ACSBG2: variants seen among roughly 807,000 people sequenced by gnomAD.
ACSBG2 encodes the protein acyl-CoA synthetase bubblegum family member 2, also known as long-chain-fatty-acid--CoA ligase ACSBG2.
In ACSBG2, 62 loss-of-function variants were observed where a neutral mutation model predicts 74.7. The ratio of observed to expected loss-of-function variants is 0.83; its 90% CI spans 0.68 to 1.03. ACSBG2 has a LOEUF of 1.03. Ranked by LOEUF, ACSBG2 falls within the 50% of genes least tolerant of loss-of-function variation. The pLI is 0.00. For missense variants in ACSBG2, 730 were observed against 817.6 expected, an observed-to-expected ratio of 0.89 and a Z score of 1.31; for synonymous variants, 309 against 294.1, an observed-to-expected ratio of 1.05 and a Z score of -0.52.
At chr19:6,151,919 A>G in intron 4 of ACSBG2, 124 bp downstream of exon 4, 1 of 796,232 alleles carries the variant, frequency 1.3e-6, no homozygotes, top group Non-Finnish European at 2.1e-6. Context: ...GTTAGCAGGC[A>G]GGATAGATGC....
intron 6 of ACSBG2, among the ~76,000 whole-genome samples, chr19:6,163,702 C>T (rs1228216692): frequency 3.3e-5 from 5 of 149,688 alleles, no homozygotes; most frequent in South Asian, 2.1e-4. Context: ...GAGCAGTGAG[C>T]GGAGATCACG....
At chr19:6,169,538 T>C (rs1048250664) in intron 7 of ACSBG2, among the ~76,000 whole-genome samples, 1 of 152,204 alleles carries the variant, frequency 6.6e-6, no homozygotes, top group East Asian at 1.9e-4. Context: ...TCTAGCTGTG[T>C]TCTTTTTGCT....
Position 6,147,442 on chromosome 19 carries a change from G to C in ACSBG2, c.68-4G>C, listed in dbSNP as rs16993408. 0.015 allele frequency: 23,948 copies of C among 1,612,342 alleles called. 474 individuals are homozygous for C. The highest frequency in any genetic ancestry group is 0.099 in the African/African-American group (7,387 of 74,942). ...TGCCACCCAACTCTGGTGACTATTT[G>C]CAGTTACTCCCAGGCTGTGGACCAC... On this transcript the variant is annotated splice_polypyrimidine_tract_variant and splice_region_variant and intron_variant, in intron 2 of 14. Coordinates refer to ENST00000588485, the MANE Select transcript of ACSBG2 (RefSeq NM_030924.5).
At chr19:6,182,265 C>T (rs1287666698) in intron 8 of ACSBG2, among the ~76,000 whole-genome samples, 1 of 150,668 alleles carries the variant, frequency 6.6e-6, no homozygotes, top group East Asian at 1.9e-4. Context: ...ACCTATAGGT[C>T]TCTTTGGGGG....
At chr19:6,147,725 GGT>G (rs2089087831) in intron 3 of ACSBG2, 50 bp downstream of exon 3, 3 of 1,569,328 alleles carry the variant, frequency 1.9e-6, no homozygotes, top group Non-Finnish European at 2.6e-6. Context: ...ATTCTGAATA[GGT>G]AACAGACATA....
At chr19:6,189,541 T>C (rs996800773) in intron 13 of ACSBG2, among the ~76,000 whole-genome samples, 4 of 152,072 alleles carry the variant, frequency 2.6e-5, no homozygotes, top group Non-Finnish European at 5.9e-5. Flanking sequence ...TTTTTTTGTT[T>C]GTTTTGAGAC....
intron 11 of ACSBG2, among the ~76,000 whole-genome samples, chr19:6,186,058 CT>C (rs11377799): frequency 0.046 from 6,779 of 146,974 alleles, 399 homozygotes; most frequent in African/African-American, 0.14. Context: ...AACAGTTTTA[CT>C]TTTTTTTTTT....
Position 6,190,671 on chromosome 19 carries a change from G to A in ACSBG2, c.*14G>A. 1 of 1,612,216 alleles carries A rather than the reference G, an allele frequency of 6.2e-7. No homozygotes were observed. The highest frequency in any genetic ancestry group is 1.7e-5 in the Admixed American group (1 of 60,014). ...ATGTACCACTGACTGCTTTGATGGA[G>A]CTGCTCTCAGCTGTTCTGATGGTGA... On this transcript the variant is annotated 3_prime_UTR_variant, in exon 14 of 15. Coordinates refer to ENST00000588485, the MANE Select transcript of ACSBG2 (RefSeq NM_030924.5).
At chr19:6,147,771 A>G (rs1340503604) in intron 3 of ACSBG2, 96 bp downstream of exon 3, 1 of 1,380,338 alleles carries the variant, frequency 7.2e-7, no homozygotes, top group Non-Finnish European at 1.0e-6. Context: ...AAGGCACCAA[A>G]AGATACAAAG....
rs974256980 is a variant in ACSBG2 at position 6,179,296 on chromosome 19, T to A, written c.906+1900T>A. On this transcript the variant is annotated intron_variant, in intron 8 of 14. Transcript: ENST00000588485. Reference sequence around the variant, plus strand: ...AACACTTTGATTTCTTTTCTAAATTTTTTTTTTTTTTTTTTTTTTTAGAGA... The same window carrying A: ...AACACTTTGATTTCTTTTCTAAATTATTTTTTTTTTTTTTTTTTTTAGAGA... Among the ~76,000 whole-genome samples, 211 of 134,888 alleles carry A rather than the reference T, an allele frequency of 1.6e-3. 1 individual carries two copies. Among genetic ancestry groups the A allele is most frequent in the African/African-American group, 6.0e-3 (191 of 32,088 alleles). The allele number at this position is 134,888 out of a possible 152,430, so 88.5% of individuals were successfully genotyped here.
intron 7 of ACSBG2, among the ~76,000 whole-genome samples, chr19:6,173,346 G>T (rs1028588652): frequency 6.6e-6 from 1 of 152,160 alleles, no homozygotes; most frequent in Non-Finnish European, 1.5e-5. Context: ...TGTGGTGCCT[G>T]CTGTCTCAGT....
chr19:6,161,481 TGTGAGGAAAGTGG>T (rs1471239783), intron 6 of ACSBG2, 186 bp downstream of exon 6: 1 of 539,624 alleles, frequency 1.9e-6, no homozygotes, highest in Non-Finnish European at 3.3e-6. Context: ...GGTGGGGCCT[TGTGAGGAAAGTGG>T]GTGTGACCTT....
intron 1 of ACSBG2, among the ~76,000 whole-genome samples, chr19:6,139,240 A>G (rs1273414882): frequency 6.6e-6 from 1 of 152,026 alleles, no homozygotes; most frequent in Non-Finnish European, 1.5e-5. Flanking sequence ...GGTGTCTGCC[A>G]CCATGCCTGG....
chr19:6,184,442 T>G (rs1410253119), intron 10 of ACSBG2, among the ~76,000 whole-genome samples: 1 of 152,078 alleles, frequency 6.6e-6, no homozygotes, highest in African/African-American at 2.4e-5. Flanking sequence ...TTGTAAGTTT[T>G]AAATTTCTCA....
intron 2 of ACSBG2, among the ~76,000 whole-genome samples, chr19:6,145,225 A>G (rs1405152730): frequency 1.3e-5 from 2 of 152,058 alleles, no homozygotes; most frequent in Non-Finnish European, 2.9e-5. Context: ...GGTGAAACTC[A>G]TCTCTACTAA....
chr19:6,183,003 C>T (rs1198653369), intron 9 of ACSBG2, 36 bp from the exon 10 acceptor site: 1 of 1,613,192 alleles, frequency 6.2e-7, no homozygotes. Context: ...TGGGTCCCAT[C>T]AGCCCTTCTC....
intron 8 of ACSBG2, among the ~76,000 whole-genome samples, chr19:6,178,492 G>A (rs991109577): frequency 7.2e-5 from 11 of 151,988 alleles, no homozygotes; most frequent in South Asian, 6.2e-4. Flanking sequence ...AGCAATTCTC[G>A]TGCCTTAGCC....
intron 5 of ACSBG2, among the ~76,000 whole-genome samples, chr19:6,158,854 G>A (rs2089514500): frequency 6.6e-6 from 1 of 152,124 alleles, no homozygotes; most frequent in South Asian, 2.1e-4. Context: ...GGCTTCCTTT[G>A]ACTCCTAATT....
intron 2 of ACSBG2, among the ~76,000 whole-genome samples, chr19:6,146,777 C>G (rs921543346): frequency 6.8e-6 from 1 of 148,032 alleles, no homozygotes; most frequent in Admixed American, 6.8e-5. Context: ...AAAACAAAAA[C>G]AAAACAAAAC....
Sources: gnomAD v4.1 joint callset for allele counts (sites outside exome capture counted in the v4.1 genomes callset) on GRCh38, gnomAD v4.1.1 for gene constraint, MANE v1.5 for transcripts, NCBI Gene and HGNC (gene_info 2026-07-23, HGNC 2026-07-21) for gene names.